RGS11: variants seen among roughly 807,000 people sequenced by gnomAD.
RGS11 encodes the protein regulator of G protein signaling 11, also known as regulator of G-protein signaling 11.
RGS11 carries 86 observed loss-of-function variants against 71.1 expected under a neutral mutation model. The ratio of observed to expected loss-of-function variants is 1.21; its 90% CI spans 1.02 to 1.45. The LOEUF is 1.45. Ranked by LOEUF, RGS11 falls within the 40% of genes most tolerant of loss-of-function variation. The pLI, the probability that RGS11 is intolerant of heterozygous loss-of-function variation, is 0.00. For missense variants in RGS11, 734 were observed against 635.1 expected, an observed-to-expected ratio of 1.16 and a Z score of -1.67; for synonymous variants, 298 against 254.2, an observed-to-expected ratio of 1.17 and a Z score of -1.64.
intron 1 of RGS11, 117 bp from the exon 2 acceptor site, chr16:275,615 TC>T: frequency 1.1e-6 from 1 of 901,046 alleles, no homozygotes; most frequent in Non-Finnish European, 1.6e-6. Context: ...GGCGGCGGAT[TC>T]CAGGCCGCAG....
rs370263768 is a variant in RGS11, at chr16:270,783, G to A, written c.1028C>T (p.Ala343Val). Residue 343 changes from alanine (A) to valine (V), a missense_variant, in exon 14 of 17, where the codon GCG becomes GTG. Physicochemically the swap from Ala to Val is moderately conservative, Grantham distance 64. Transcript: ENST00000397770. ...CACCAGGGTGGGGACCTGGGCCTGCGCTCCATATCGAAGCTCCTCACATGC... is the reference window on the plus strand; with the variant it reads ...CACCAGGGTGGGGACCTGGGCCTGCACTCCATATCGAAGCTCCTCACATGC... ...WEACEELRYG[A>V]QAQVPTLVDA... 8.1e-6 allele frequency: 13 copies of A among 1,612,410 alleles called. No homozygotes were observed. The highest frequency in any genetic ancestry group is 4.5e-5 in the East Asian group (2 of 44,856).
intron 15 of RGS11, 89 bp from the exon 16 acceptor site, chr16:269,674 GCCTC>G: frequency 2.0e-6 from 2 of 1,014,736 alleles, no homozygotes; most frequent in African/African-American, 1.6e-5. Flanking sequence ...CATTGCTGGA[GCCTC>G]CTCCAGCCAC....
At chr16:271,728 C>A in intron 9 of RGS11, 159 bp from the exon 10 acceptor site, 1 of 674,464 alleles carries the variant, frequency 1.5e-6, no homozygotes, top group Non-Finnish European at 2.6e-6. Flanking sequence ...CCCCTTCTTC[C>A]AATCAGGGAT....
chr16:271,696 C>T (rs1327849327), intron 9 of RGS11, 127 bp from the exon 10 acceptor site: 58 of 875,412 alleles, frequency 6.6e-5, no homozygotes, highest in Non-Finnish European at 1.1e-4. Flanking sequence ...GTGGCCCAGG[C>T]CCCCAGTCCC....
Position 273,735 on chromosome 16 carries a change from G to T in RGS11, c.506+25C>A, listed in dbSNP as rs376707901. ...TAGCCTGGGTTGGGCGCCTGCAGGCGGGGCGGGGCAGGGCGGGGCCTCACC... is the reference window on the plus strand; with the variant it reads ...TAGCCTGGGTTGGGCGCCTGCAGGCTGGGCGGGGCAGGGCGGGGCCTCACC... On this transcript the variant is annotated intron_variant, in intron 7 of 16. Transcript: ENST00000397770. 15 of 1,599,936 alleles carry T rather than the reference G, an allele frequency of 9.4e-6. No homozygotes were observed. The Admixed American group carries it at 1.3e-4, about 14-fold the overall frequency.
rs371453248 is a variant in RGS11, at chr16:270,122, GCC to G, written c.1206+399_1206+400del. Among the ~76,000 whole-genome samples, 35 of 152,156 alleles carry G rather than the reference GCC, an allele frequency of 2.3e-4. 1 individual carries two copies. The South Asian group carries it at 6.6e-3, about 29-fold the overall frequency. On this transcript the variant is annotated intron_variant, in intron 15 of 16. Coordinates refer to ENST00000397770, the MANE Select transcript of RGS11 (RefSeq NM_183337.3). ...AAATTAGCCGGGCGTGGTGGCGGGCGCCTGTAGTCCCAGCTACTCAGGAGGCT... is the reference window on the plus strand; with the variant it reads ...AAATTAGCCGGGCGTGGTGGCGGGCGTGTAGTCCCAGCTACTCAGGAGGCT...
chr16:269,147 C>A lies in RGS11; in HGVS notation c.*122G>T. The A allele has an allele frequency of 1.1e-6, 1 of 924,150 alleles. No individual in the cohort carries two copies. The highest frequency in any genetic ancestry group is 1.7e-6 in the Non-Finnish European group (1 of 579,484). 57.2% of individuals were successfully genotyped at this position (924,150 alleles called of 1,614,324 possible). On this transcript the variant is annotated 3_prime_UTR_variant, in exon 17 of 17. Coordinates refer to ENST00000397770, the MANE Select transcript of RGS11 (RefSeq NM_183337.3). The stretch of plus-strand genomic sequence containing the variant: ...CCCACAGAAGACTGGGCCCCCTGGG[C>A]ACAAGGGGACACTGGTGCTGGGTTC...
intron 9 of RGS11, 116 bp from the exon 10 acceptor site, chr16:271,685 G>C (rs1286145956): frequency 2.0e-6 from 2 of 1,013,512 alleles, no homozygotes; most frequent in African/African-American, 3.2e-5. Context: ...TGGCAGAGAT[G>C]GTGGCCCAGG....
Position 274,030 on chromosome 16 carries a change from T to C in RGS11, c.429+13A>G, listed in dbSNP as rs769106736. On this transcript the variant is annotated intron_variant, in intron 6 of 16. Coordinates refer to ENST00000397770, the MANE Select transcript of RGS11 (RefSeq NM_183337.3). ...CTGTACCCAGCCGGGGCGGGAAGGG[T>C]GGGGGGTCCCACCTTCTCATAATCC... is the stretch of plus-strand genomic sequence containing the variant. 5.9e-6 allele frequency: 9 copies of C among 1,521,454 alleles called. No individual in the cohort carries two copies. The African/African-American group carries it at 1.1e-4, about 19-fold the overall frequency. The allele number at this position is 1,521,454 out of a possible 1,614,324, so 94.2% of individuals were successfully genotyped here.
At chr16:275,791 C>A in intron 1 of RGS11, 58 bp downstream of exon 1, 1 of 613,998 alleles carries the variant, frequency 1.6e-6, no homozygotes, top group African/African-American at 2.0e-5. Context: ...TCTCCGGCCC[C>A]TCCCGGCCTC....
Position 273,559 on chromosome 16 carries a change from GGGA to G in RGS11, c.507-6_507-4del. 6.4e-7 allele frequency: 1 copy of G among 1,559,024 alleles called. No homozygotes were observed. The highest frequency in any genetic ancestry group is 8.7e-7 in the Non-Finnish European group (1 of 1,151,746). On this transcript the variant is annotated splice_region_variant and splice_polypyrimidine_tract_variant and intron_variant, in intron 7 of 16. Transcript: ENST00000397770. ...CCTTGCTGCGCTGCTTGGCTGCCCT[GGGA>G]GGAGGAGGCCGAGTTGAGGGCACGC...
At position 275,476 on chromosome 16, in the gene RGS11, A is replaced by G. The variant is rs1465985801; in HGVS notation, c.86T>C (p.Met29Thr). ...LRKMERVVVSMQDPDQGVKMR... is the reference protein window; with the variant it reads ...LRKMERVVVSTQDPDQGVKMR... ...CTTCACGCCCTGGTCGGGGTCCTGC[A>G]TGCTCACGACCACCCGCTCCATCTG... The change falls in exon 2 of 17, where the codon ATG becomes ACG. Residue 29 changes from methionine to threonine, a missense_variant. Physicochemically the swap from Met to Thr is moderately conservative, Grantham distance 81. Coordinates refer to ENST00000397770, the MANE Select transcript of RGS11 (RefSeq NM_183337.3). The G allele has an allele frequency of 1.9e-6, 3 of 1,585,236 alleles. No homozygotes were observed. Among genetic ancestry groups the G allele is most frequent in the Non-Finnish European group, 2.6e-6 (3 of 1,173,626 alleles).
chr16:269,553 C>T lies in RGS11; in HGVS notation c.1239G>A (p.Met413Ile), dbSNP rs1385809870. The T allele has an allele frequency of 2.5e-6, 4 of 1,613,426 alleles. No homozygotes were observed. Among genetic ancestry groups the T allele is most frequent in the Non-Finnish European group, 3.4e-6 (4 of 1,179,924 alleles). Residue 413 changes from methionine to isoleucine, a missense_variant, in exon 16 of 17, where the codon ATG (methionine) becomes ATA (isoleucine). Coordinates refer to ENST00000397770, the MANE Select transcript of RGS11 (RefSeq NM_183337.3). Reference sequence around the variant, plus strand: ...CAGCCTCTGCCAGGAGGGCCTTGTACATGTCAGACTTCAGGAACCTTGGGT... The same window carrying T: ...CAGCCTCTGCCAGGAGGGCCTTGTATATGTCAGACTTCAGGAACCTTGGGT... Reference protein sequence around the residue: ...DSYPRFLKSDMYKALLAEAGI... With the variant: ...DSYPRFLKSDIYKALLAEAGI...
chr16:271,789 C>T, intron 9 of RGS11: 1 of 588,066 alleles, frequency 1.7e-6, no homozygotes, highest in South Asian at 2.2e-5. Context: ...GTGGAATATT[C>T]CACGGAACCT....
At chr16:269,936 G>A in intron 15 of RGS11, 1 of 232,576 alleles carries the variant, frequency 4.3e-6, no homozygotes, top group South Asian at 7.7e-5. Flanking sequence ...AAACAAGGTA[G>A]GCCACGCATG....
Position 268,637 on chromosome 16 carries a change from C to A in RGS11, c.*632G>T. 1 of 817,988 alleles carries A rather than the reference C, an allele frequency of 1.2e-6. No homozygotes were observed. The highest frequency in any genetic ancestry group is 1.9e-6 in the Non-Finnish European group (1 of 517,460). The allele number at this position is 817,988 out of a possible 1,614,324, so 50.7% of individuals were successfully genotyped here. A position where few individuals can be genotyped will look rare whatever the true frequency, so the allele number is the denominator to read the frequency against. ...TATAAATCGGGGGGGAGGCCGCGGC[C>A]TCGAGGTGGGAAAGCAGGTGCCGGC... On this transcript the variant is annotated 3_prime_UTR_variant, in exon 17 of 17. Coordinates refer to ENST00000397770, the MANE Select transcript of RGS11 (RefSeq NM_183337.3).
Position 268,562 on chromosome 16 carries a change from C to T in RGS11, c.*707G>A, listed in dbSNP as rs951744329. 5.0e-6 allele frequency: 3 copies of T among 597,462 alleles called. No individual in the cohort carries two copies. Among genetic ancestry groups the T allele is most frequent in the Non-Finnish European group, 8.9e-6 (3 of 335,556 alleles). The allele number at this position is 597,462 out of a possible 1,614,324, so 37.0% of individuals were successfully genotyped here. Reference sequence around the variant, plus strand: ...GGATCAGGGACGCCTGGCAAGGATCCACCCTATGGAATCGGGCCTCGTCAG... The same window carrying T: ...GGATCAGGGACGCCTGGCAAGGATCTACCCTATGGAATCGGGCCTCGTCAG... On this transcript the variant is annotated 3_prime_UTR_variant, in exon 17 of 17. Transcript: ENST00000397770.
chr16:269,447 G>A, intron 16 of RGS11, 56 bp downstream of exon 16: 1 of 1,596,712 alleles, frequency 6.3e-7, no homozygotes, highest in Non-Finnish European at 8.6e-7. Flanking sequence ...CTCACTGCAG[G>A]GCCCCAGCAG....
chr16:271,609 C>T, intron 9 of RGS11, 40 bp from the exon 10 acceptor site: 1 of 1,603,948 alleles, frequency 6.2e-7, no homozygotes. Flanking sequence ...ATGCAGGTCC[C>T]CTGCTGGGGT....
Sources: allele counts gnomAD v4.1 joint callset (sites outside exome capture counted in the v4.1 genomes callset), GRCh38; gene constraint gnomAD v4.1.1; transcripts MANE v1.5; gene names NCBI Gene and HGNC (gene_info 2026-07-23, HGNC 2026-07-21).